TRAPPC12: variants seen among roughly 807,000 people sequenced by gnomAD.
TRAPPC12 encodes the protein TPR repeat protein 15.
A neutral mutation model predicts 69.2 loss-of-function variants in TRAPPC12; 61 were observed. The observed-to-expected ratio is 0.88, with a 90% CI of 0.72 to 1.09. The LOEUF is 1.09. Among genes scored for constraint, TRAPPC12 ranks in the 50% least tolerant of loss-of-function variants. The probability of loss-of-function intolerance (pLI) is 0.00; values close to 1 mark genes in which losing one functional copy is unlikely to be tolerated. For synonymous variants in TRAPPC12, 469 were observed against 438.9 expected, an observed-to-expected ratio of 1.07 and a Z score of -0.86; for missense variants, 1,101 against 1,016.4, an observed-to-expected ratio of 1.08 and a Z score of -1.13.
chr2:3,459,257 C>A (rs922986796), intron 7 of TRAPPC12, among the ~76,000 whole-genome samples: 2 of 152,214 alleles, frequency 1.3e-5, no homozygotes, highest in Admixed American at 1.3e-4. Context: ...TGGCACTTTG[C>A]AGTTGGAAGT....
intron 7 of TRAPPC12, 112 bp downstream of exon 7, chr2:3,457,805 A>T: frequency 6.7e-7 from 1 of 1,497,388 alleles, no homozygotes; most frequent in Non-Finnish European, 8.8e-7. Context: ...TCAGCACTGC[A>T]CGTGTCCACT....
intron 2 of TRAPPC12, among the ~76,000 whole-genome samples, chr2:3,394,390 A>G (rs946462929): frequency 3.2e-4 from 49 of 152,168 alleles, no homozygotes; most frequent in African/African-American, 1.2e-3. Flanking sequence ...TGGGAGTCCG[A>G]GGTGGGTGGA....
At chr2:3,386,946 C>T (rs1417647603) in intron 1 of TRAPPC12, among the ~76,000 whole-genome samples, 1 of 152,128 alleles carries the variant, frequency 6.6e-6, no homozygotes. Flanking sequence ...ACAAACGGTT[C>T]AGCCACTATG....
At chr2:3,442,119 C>T (rs1385294158) in intron 5 of TRAPPC12, among the ~76,000 whole-genome samples, 1 of 89,420 alleles carries the variant, frequency 1.1e-5, no homozygotes, top group Non-Finnish European at 2.4e-5. Flanking sequence ...CTAGTCTGTA[C>T]GTTGAGATCG....
chr2:3,413,454 T>C (rs1403858347), intron 3 of TRAPPC12, among the ~76,000 whole-genome samples: 1 of 152,226 alleles, frequency 6.6e-6, no homozygotes, highest in African/African-American at 2.4e-5. Context: ...TGTTGAGTGG[T>C]GTTCGGTTAG....
chr2:3,423,742 G>A (rs1444209533), intron 4 of TRAPPC12, among the ~76,000 whole-genome samples: 1 of 152,104 alleles, frequency 6.6e-6, no homozygotes, highest in Non-Finnish European at 1.5e-5. Flanking sequence ...ATCCTTCAGC[G>A]GACACTTAGT....
At chr2:3,472,995 G>C (rs1048051447) in intron 9 of TRAPPC12, among the ~76,000 whole-genome samples, 2 of 152,184 alleles carry the variant, frequency 1.3e-5, no homozygotes, top group East Asian at 1.9e-4. Context: ...CTAAGACACC[G>C]AGGGCGGGGA....
chr2:3,468,310 G>T (rs1665912686), intron 9 of TRAPPC12, among the ~76,000 whole-genome samples: 1 of 151,934 alleles, frequency 6.6e-6, no homozygotes, highest in South Asian at 2.1e-4. Flanking sequence ...ATCTACGGGG[G>T]ATAAAAGCAC....
At chr2:3,466,427 A>G (rs527356072) in intron 9 of TRAPPC12, 1 of 468,842 alleles carries the variant, frequency 2.1e-6, no homozygotes, top group East Asian at 7.0e-5. Flanking sequence ...ATTTCACCTC[A>G]CGGTGTGACT....
intron 5 of TRAPPC12, among the ~76,000 whole-genome samples, chr2:3,428,960 G>A (rs1283421834): frequency 1.3e-5 from 2 of 152,134 alleles, no homozygotes; most frequent in East Asian, 1.9e-4. Context: ...TACTGCATTC[G>A]TTGCTTCTTC....
At chr2:3,404,807 A>G (rs1661636562) in intron 3 of TRAPPC12, among the ~76,000 whole-genome samples, 1 of 151,576 alleles carries the variant, frequency 6.6e-6, no homozygotes, top group Non-Finnish European at 1.5e-5. Flanking sequence ...CTCTTTTGAT[A>G]AAGAAGTAGC....
At chr2:3,407,703 G>A (rs945418921) in intron 3 of TRAPPC12, among the ~76,000 whole-genome samples, 5 of 151,954 alleles carry the variant, frequency 3.3e-5, no homozygotes, top group African/African-American at 1.2e-4. Context: ...CCGGGAGGCT[G>A]AGGCAGGAGA....
intron 9 of TRAPPC12, among the ~76,000 whole-genome samples, chr2:3,470,045 G>A (rs149770978): frequency 1.3e-5 from 2 of 152,310 alleles, no homozygotes; most frequent in Non-Finnish European, 2.9e-5. Flanking sequence ...CATTGAAGGT[G>A]GGAGATGAGG....
At chr2:3,479,027 T>C in intron 11 of TRAPPC12, 94 bp downstream of exon 11, 1 of 1,486,076 alleles carries the variant, frequency 6.7e-7, no homozygotes, top group Non-Finnish European at 9.2e-7. Context: ...GCCTGCGCTC[T>C]CTCTCTCCAG....
At chr2:3,391,840 C>T (rs749059588) in intron 2 of TRAPPC12, among the ~76,000 whole-genome samples, 6 of 152,124 alleles carry the variant, frequency 3.9e-5, no homozygotes, top group Non-Finnish European at 5.9e-5. Context: ...CCTTCTCTCT[C>T]GGGGTCTTTG....
intron 6 of TRAPPC12, chr2:3,455,118 T>C (rs1362834676): frequency 6.6e-6 from 1 of 152,284 alleles, no homozygotes; most frequent in Non-Finnish European, 1.5e-5. Flanking sequence ...ACCAGGGCGC[T>C]GTCAGGTCTG....
intron 9 of TRAPPC12, among the ~76,000 whole-genome samples, chr2:3,469,207 C>G (rs1277143441): frequency 6.6e-6 from 1 of 152,210 alleles, no homozygotes; most frequent in Non-Finnish European, 1.5e-5. Flanking sequence ...AGCACCTCAT[C>G]AGTACCTGTA....
chr2:3,416,221 T>G (rs181295994), intron 3 of TRAPPC12, among the ~76,000 whole-genome samples: 11 of 152,286 alleles, frequency 7.2e-5, no homozygotes, highest in Admixed American at 7.2e-4. Context: ...ACTGGGTGCT[T>G]CTGTTAATAT....
At chr2:3,423,260 G>C (rs1306613750) in intron 4 of TRAPPC12, among the ~76,000 whole-genome samples, 10 of 151,854 alleles carry the variant, frequency 6.6e-5, no homozygotes, top group Non-Finnish European at 1.5e-4. Flanking sequence ...ACCATGACAG[G>C]CTATGTGTAC....
Sources: gnomAD v4.1 joint callset for allele counts (sites outside exome capture counted in the v4.1 genomes callset) on GRCh38, gnomAD v4.1.1 for gene constraint, MANE v1.5 for transcripts, NCBI Gene and HGNC (gene_info 2026-07-23, HGNC 2026-07-21) for gene names.